UMAD1: variants seen among roughly 807,000 people sequenced by gnomAD.
The protein encoded by UMAD1 is UBAP1-MVB12-associated (UMA)-domain containing protein 1.
In UMAD1, 8 loss-of-function variants were observed where a neutral mutation model predicts 6.1. That is an observed-to-expected ratio of 1.30 (90% confidence interval 0.76 to 2.35). The LOEUF (loss-of-function observed/expected upper bound fraction) is 2.35, where lower values mean the gene tolerates loss of function less well. Among genes scored for constraint, UMAD1 ranks in the 30% most tolerant of loss-of-function variants. The pLI is 0.00. For missense variants in UMAD1, 130 were observed against 78.4 expected (o/e 1.66, Z -2.49); for synonymous variants, 56 against 31.4 (o/e 1.78, Z -2.61).
At chr7:7,692,663 G>A (rs1174341741) in intron 2 of UMAD1, among the ~76,000 whole-genome samples, 5 of 152,176 alleles carry the variant, frequency 3.3e-5, no homozygotes, top group Admixed American at 6.5e-5. Flanking sequence ...AGGCTGGAGT[G>A]CAGTAGCGTG....
In UMAD1 at chr7:7,811,786, G is replaced by T. The variant is rs548581185; in HGVS notation, c.156+10043G>T. On this transcript the variant is annotated intron_variant, in intron 3 of 3. Transcript: ENST00000682710. ...GGGTGGGGAAAATTCAATGGTCCTT[G>T]CAGGTAAATTGTCAGACTTCAAAAA... is the stretch of plus-strand genomic sequence containing the variant. Among the ~76,000 whole-genome samples, 7 of 152,294 alleles carry T rather than the reference G, an allele frequency of 4.6e-5. No homozygotes were observed. The South Asian group carries it at 1.5e-3, about 32-fold the overall frequency.
chr7:7,728,920 C>T (rs1781194892), intron 2 of UMAD1, among the ~76,000 whole-genome samples: 1 of 152,160 alleles, frequency 6.6e-6, no homozygotes, highest in African/African-American at 2.4e-5. Context: ...CAGCCTGTGC[C>T]CTCATAGAAC....
chr7:7,642,030 TAA>T (rs1362174408), intron 1 of UMAD1, among the ~76,000 whole-genome samples: 9 of 152,250 alleles, frequency 5.9e-5, no homozygotes, highest in African/African-American at 2.2e-4. Context: ...TGCAAGTCAG[TAA>T]AGTCTATTTT....
At chr7:7,642,612 C>T (rs1784999719) in intron 1 of UMAD1, among the ~76,000 whole-genome samples, 1 of 152,046 alleles carries the variant, frequency 6.6e-6, no homozygotes, top group Non-Finnish European at 1.5e-5. Context: ...ACAGCTTTTT[C>T]GTGTATTTTT....
chr7:7,678,664 T>C (rs1298383895), intron 2 of UMAD1, among the ~76,000 whole-genome samples: 2 of 127,208 alleles, frequency 1.6e-5, no homozygotes, highest in African/African-American at 3.1e-5. Context: ...ATATTTAGTT[T>C]ATAAATATAT....
chr7:7,666,962 C>A (rs1440358082), intron 1 of UMAD1, among the ~76,000 whole-genome samples: 2 of 152,276 alleles, frequency 1.3e-5, no homozygotes, highest in East Asian at 1.9e-4. Flanking sequence ...CGTGCGCCAC[C>A]ACATCCAGCT....
At chr7:7,677,203 A>G (rs1474844847) in intron 2 of UMAD1, among the ~76,000 whole-genome samples, 1 of 152,186 alleles carries the variant, frequency 6.6e-6, no homozygotes, top group African/African-American at 2.4e-5. Flanking sequence ...AAATCAGGGT[A>G]ATTAGGATAT....
intron 1 of UMAD1, among the ~76,000 whole-genome samples, chr7:7,658,558 A>G (rs1250595744): frequency 6.6e-6 from 1 of 152,162 alleles, no homozygotes; most frequent in East Asian, 1.9e-4. Flanking sequence ...TTCTGCATCT[A>G]TTGAGATAGT....
chr7:7,724,175 G>C (rs958286985), intron 2 of UMAD1, among the ~76,000 whole-genome samples: 40 of 152,228 alleles, frequency 2.6e-4, no homozygotes, highest in African/African-American at 8.9e-4. Flanking sequence ...TGTCATTTCA[G>C]ATAGTCCCTG....
intron 1 of UMAD1, among the ~76,000 whole-genome samples, chr7:7,643,675 T>G (rs948081262): frequency 4.7e-5 from 7 of 148,696 alleles, no homozygotes; most frequent in Admixed American, 1.3e-4. Context: ...TCGCGCCACT[T>G]CACTCCAACC....
At chr7:7,722,163 A>C (rs527950713) in intron 2 of UMAD1, among the ~76,000 whole-genome samples, 4 of 142,322 alleles carry the variant, frequency 2.8e-5, no homozygotes, top group East Asian at 2.0e-4. Context: ...CTCTCTATAT[A>C]TATATATGTA....
intron 3 of UMAD1, among the ~76,000 whole-genome samples, chr7:7,856,514 G>A (rs889695168): frequency 7.9e-5 from 12 of 152,164 alleles, no homozygotes; most frequent in Non-Finnish European, 1.5e-4. Context: ...GGTCCCTCCC[G>A]CAACATATGG....
intron 2 of UMAD1, among the ~76,000 whole-genome samples, chr7:7,784,539 GTTTC>G (rs1782421389): frequency 6.7e-6 from 1 of 150,364 alleles, no homozygotes; most frequent in Non-Finnish European, 1.5e-5. Flanking sequence ...TAGAGATGAG[GTTTC>G]ACTGTGTTAG....
chr7:7,660,115 A>T (rs992504134), intron 1 of UMAD1, among the ~76,000 whole-genome samples: 29 of 152,214 alleles, frequency 1.9e-4, no homozygotes, highest in South Asian at 1.0e-3. Flanking sequence ...AGAGACTACG[A>T]TTGCAAACCC....
chr7:7,688,147 G>A (rs1048578670), intron 2 of UMAD1, among the ~76,000 whole-genome samples: 2 of 152,152 alleles, frequency 1.3e-5, no homozygotes, highest in African/African-American at 4.8e-5. Flanking sequence ...TTTTTGGGGG[G>A]AGAACATTCC....
intron 2 of UMAD1, among the ~76,000 whole-genome samples, chr7:7,729,764 C>G (rs930491514): frequency 3.3e-5 from 5 of 152,218 alleles, no homozygotes; most frequent in African/African-American, 1.2e-4. Context: ...CTACCCCAGT[C>G]ATTCTCTGCT....
intron 3 of UMAD1, among the ~76,000 whole-genome samples, chr7:7,875,089 C>T (rs1473562874): frequency 6.6e-6 from 1 of 152,132 alleles, no homozygotes; most frequent in Non-Finnish European, 1.5e-5. Flanking sequence ...AATTATTCTT[C>T]TCCTTTAGAC....
intron 2 of UMAD1, among the ~76,000 whole-genome samples, chr7:7,729,930 AG>A (rs1287980523): frequency 6.6e-6 from 1 of 152,196 alleles, no homozygotes; most frequent in Non-Finnish European, 1.5e-5. Context: ...CTGTTTGCTC[AG>A]TCTCTCATCA....
chr7:7,848,257 G>A (rs1783848200), intron 3 of UMAD1, among the ~76,000 whole-genome samples: 1 of 151,972 alleles, frequency 6.6e-6, no homozygotes, highest in Admixed American at 6.6e-5. Flanking sequence ...ATATATTATG[G>A]CCAATCTGTG....
Sources: gnomAD v4.1 joint callset for allele counts (sites outside exome capture counted in the v4.1 genomes callset) on GRCh38, gnomAD v4.1.1 for gene constraint, MANE v1.5 for transcripts, NCBI Gene and HGNC (gene_info 2026-07-23, HGNC 2026-07-21) for gene names.